SLC20A2: variants seen among roughly 807,000 people sequenced by gnomAD.
SLC20A2 encodes sodium-dependent phosphate transporter 2.
Under a neutral mutation model 61.0 loss-of-function variants are expected in SLC20A2, and 30 were observed. That is an observed-to-expected ratio of 0.49 (90% CI 0.37 to 0.67). SLC20A2 has a LOEUF of 0.67. SLC20A2 is among the 30% of genes least tolerant of loss of function. The probability of loss-of-function intolerance (pLI) is 0.00; values close to 1 mark genes in which losing one functional copy is unlikely to be tolerated. For synonymous variants in SLC20A2, 351 were observed against 353.3 expected (o/e 0.99, Z 0.07); for missense variants, 626 against 866.4 (o/e 0.72, Z 3.48).
chr8:42,496,849 C>G (rs2131334462), intron 1 of SLC20A2, among the ~76,000 whole-genome samples: 1 of 152,260 alleles, frequency 6.6e-6, no homozygotes, highest in South Asian at 2.1e-4. Context: ...AGGGACGGAC[C>G]AACCTGGCCA....
chr8:42,533,651 G>GTTTTT (rs1554577829), intron 1 of SLC20A2, among the ~76,000 whole-genome samples: 4 of 89,736 alleles, frequency 4.5e-5, no homozygotes, highest in African/African-American at 1.9e-4. Flanking sequence ...ATGATCAACT[G>GTTTTT]TTCTTTTTTT....
intron 1 of SLC20A2, among the ~76,000 whole-genome samples, chr8:42,517,530 G>T (rs1811390850): frequency 6.6e-6 from 1 of 152,044 alleles, no homozygotes; most frequent in Non-Finnish European, 1.5e-5. Context: ...GAGCCCCTTT[G>T]AAAATCTGAT....
At chr8:42,500,675 G>C (rs892209735) in intron 1 of SLC20A2, among the ~76,000 whole-genome samples, 2 of 152,022 alleles carry the variant, frequency 1.3e-5, no homozygotes, top group African/African-American at 4.8e-5. Context: ...TTTTTCTCAA[G>C]AATTAGGTTA....
chr8:42,465,202 T>C (rs574942119), intron 3 of SLC20A2, among the ~76,000 whole-genome samples: 25 of 151,368 alleles, frequency 1.7e-4, no homozygotes, highest in African/African-American at 4.8e-4. Flanking sequence ...GGATTACAGG[T>C]ACCTGCCATC....
chr8:42,530,067 T>A (rs62509292), intron 1 of SLC20A2, among the ~76,000 whole-genome samples: 5,543 of 152,264 alleles, frequency 0.036, 156 homozygotes, highest in Non-Finnish European at 0.058. Flanking sequence ...ACAAGTTTAA[T>A]CATGCAATGA....
At position 42,437,608 on chromosome 8, in the gene SLC20A2, C is replaced by T. The variant is rs1211839944; in HGVS notation, c.935-31G>A. On this transcript the variant is annotated intron_variant, in intron 7 of 10. Transcript: ENST00000520262. The surrounding 1 kb of genome is among the most constrained non-coding windows in gnomAD (Gnocchi z 6.4). ...AAGGGTTAGAGAAGGTCTCATTTTC[C>T]AGTCTTTTTTTTTTTTTTCTTTTCT... The T allele has an allele frequency of 1.5e-5, 22 of 1,483,144 alleles. No homozygotes were observed. Among genetic ancestry groups the T allele is most frequent in the Non-Finnish European group, 1.9e-5 (21 of 1,102,318 alleles). The allele number at this position is 1,483,144 out of a possible 1,614,324, so 91.9% of individuals were successfully genotyped here. A position where few individuals can be genotyped will look rare whatever the true frequency, so the allele number is the denominator to read the frequency against.
chr8:42,482,613 C>G (rs1045849035), intron 1 of SLC20A2, among the ~76,000 whole-genome samples: 3 of 152,154 alleles, frequency 2.0e-5, no homozygotes, highest in African/African-American at 7.2e-5. Context: ...CCCAGCTACC[C>G]AGGAGGCTGA....
intron 1 of SLC20A2, among the ~76,000 whole-genome samples, chr8:42,528,634 A>G (rs1812128481): frequency 6.6e-6 from 1 of 152,114 alleles, no homozygotes; most frequent in Non-Finnish European, 1.5e-5. Flanking sequence ...GATCTTGGGT[A>G]ATTCCATCAT....
intron 10 of SLC20A2, among the ~76,000 whole-genome samples, chr8:42,427,060 A>G (rs1803463055): frequency 6.6e-6 from 1 of 152,246 alleles, no homozygotes; most frequent in Non-Finnish European, 1.5e-5. Flanking sequence ...GAAACTCACA[A>G]TGAATGGGTG....
At chr8:42,528,402 C>G (rs1812116486) in intron 1 of SLC20A2, among the ~76,000 whole-genome samples, 1 of 151,210 alleles carries the variant, frequency 6.6e-6, no homozygotes, top group Non-Finnish European at 1.5e-5. Flanking sequence ...GGAGAACTTG[C>G]ATTGAGCAGA....
chr8:42,495,996 C>T (rs1277572994), intron 1 of SLC20A2, among the ~76,000 whole-genome samples: 4 of 152,068 alleles, frequency 2.6e-5, no homozygotes, highest in Middle Eastern at 3.4e-3. Context: ...GTGATCCACC[C>T]ACCTTGGCCT....
intron 1 of SLC20A2, among the ~76,000 whole-genome samples, chr8:42,475,631 G>C (rs775007809): frequency 1.5e-4 from 22 of 151,394 alleles, no homozygotes; most frequent in Middle Eastern, 3.3e-3. Flanking sequence ...GGCTGGTCTT[G>C]AACTCCTGAC....
At chr8:42,463,198 A>C (rs1346370776) in intron 3 of SLC20A2, 108 bp from the exon 4 acceptor site, 2 of 634,832 alleles carry the variant, frequency 3.2e-6, no homozygotes, top group South Asian at 2.4e-5. Flanking sequence ...ATTCATAAGT[A>C]TTTCCAGAAT....
At position 42,437,182 on chromosome 8, in the gene SLC20A2, C is replaced by T. The variant is rs1804341901; in HGVS notation, c.1330G>A (p.Glu444Lys). ...SSYCNAVAEA[E>K]IEAEEGGVEM... ...ACGCCGCCCTCCTCCGCCTCGATCT[C>T]CGCCTCTGCCACCGCGTTACAGTAG... Residue 444 changes from glutamate to lysine, a missense_variant, in exon 8 of 11, where the codon GAG becomes AAG. Transcript: ENST00000520262. This position sits in a 1 kb window ranked among gnomAD's most constrained non-coding sequence, Gnocchi z 6.4. The T allele has an allele frequency of 6.2e-7, 1 of 1,613,572 alleles. No homozygotes were observed. Among genetic ancestry groups the T allele is most frequent in the Non-Finnish European group, 8.5e-7 (1 of 1,180,042 alleles).
intron 10 of SLC20A2, among the ~76,000 whole-genome samples, chr8:42,426,347 T>C (rs1803410969): frequency 6.6e-6 from 1 of 152,224 alleles, no homozygotes. Flanking sequence ...AGACTGCTCA[T>C]ACAGTTAGCT....
intron 1 of SLC20A2, among the ~76,000 whole-genome samples, chr8:42,533,780 C>T (rs2131445301): frequency 6.6e-6 from 1 of 150,458 alleles, no homozygotes; most frequent in South Asian, 2.1e-4. Flanking sequence ...CTGCCTCAGC[C>T]TCCTGACTAG....
chr8:42,512,394 A>G (rs1811081476), intron 1 of SLC20A2, among the ~76,000 whole-genome samples: 1 of 150,186 alleles, frequency 6.7e-6, no homozygotes, highest in Non-Finnish European at 1.5e-5. Context: ...TGTGATGCCC[A>G]GGCTGGAGTG....
chr8:42,465,611 A>G (rs1385396447), intron 3 of SLC20A2, among the ~76,000 whole-genome samples, 166 bp downstream of exon 3: 1 of 151,612 alleles, frequency 6.6e-6, no homozygotes, highest in Non-Finnish European at 1.5e-5. Context: ...GAATGGCTTG[A>G]ACCCGGGAGG....
Position 42,428,846 on chromosome 8 carries a change from T to TG in SLC20A2, c.1710-5dup. 3 of 1,588,068 alleles carry TG rather than the reference T, an allele frequency of 1.9e-6. No homozygotes were observed. Among genetic ancestry groups the TG allele is most frequent in the East Asian group, 2.3e-5 (1 of 43,344 alleles). On this transcript the variant is annotated splice_polypyrimidine_tract_variant and splice_region_variant and intron_variant, in intron 9 of 10. Coordinates refer to ENST00000520262, the MANE Select transcript of SLC20A2 (RefSeq NM_001257180.2). The stretch of plus-strand genomic sequence containing the variant: ...GGCCAGCTCGATCGTGAAGCCGCTG[T>TG]GGGGGGAGCATGAGACACGTCACAG...
Sources: allele counts gnomAD v4.1 joint callset (sites outside exome capture counted in the v4.1 genomes callset), GRCh38; gene constraint gnomAD v4.1.1; non-coding constraint Gnocchi (gnomAD v3.1); transcripts MANE v1.5; gene names NCBI Gene and HGNC (gene_info 2026-07-23, HGNC 2026-07-21).